HTATIP2: variants seen among roughly 807,000 people sequenced by gnomAD.
HTATIP2 encodes the protein HIV-1 Tat interactive protein 2, also known as protein HTATIP2.
HTATIP2 carries 26 observed loss-of-function variants against 24.7 expected under a neutral mutation model. The observed-to-expected ratio is 1.05, with a 90% CI of 0.77 to 1.46. HTATIP2 has a LOEUF of 1.46. HTATIP2 is among the 40% of genes most tolerant of loss of function. HTATIP2 has a pLI of 0.00. For missense variants in HTATIP2, 284 were observed against 289.6 expected (o/e 0.98, Z 0.14); for synonymous variants, 99 against 113.2 (o/e 0.87, Z 0.79).
chr11:20,369,417 T>C (rs971146352), intron 2 of HTATIP2, among the ~76,000 whole-genome samples: 2 of 152,242 alleles, frequency 1.3e-5, no homozygotes, highest in Non-Finnish European at 2.9e-5. Context: ...AGTATTGAGA[T>C]CCTCTGTGTA....
intron 2 of HTATIP2, among the ~76,000 whole-genome samples, chr11:20,369,133 A>G (rs1240769845): frequency 2.6e-5 from 4 of 152,228 alleles, no homozygotes; most frequent in South Asian, 2.1e-4. Context: ...ACTTTAGCCA[A>G]TATGAAAGAG....
rs1028929036 is a variant in HTATIP2, at chr11:20,383,482, C to G, written c.*277C>G. On this transcript the variant is annotated 3_prime_UTR_variant, in exon 5 of 5. Transcript: ENST00000451739. Reference sequence around the variant, plus strand: ...TGTGGGCACAATAATCTGTAATTTTCTTTGTTTATACTTCCCCTGATGCCA... The same window carrying G: ...TGTGGGCACAATAATCTGTAATTTTGTTTGTTTATACTTCCCCTGATGCCA... 2 of 398,972 alleles carry G rather than the reference C, an allele frequency of 5.0e-6. No individual in the cohort carries two copies. The highest frequency in any genetic ancestry group is 9.0e-6 in the Non-Finnish European group (2 of 222,112). The allele number at this position is 398,972 out of a possible 1,614,324, so 24.7% of individuals were successfully genotyped here.
intron 2 of HTATIP2, among the ~76,000 whole-genome samples, chr11:20,370,974 C>A (rs893591345): frequency 3.9e-5 from 6 of 152,086 alleles, no homozygotes; most frequent in Non-Finnish European, 7.4e-5. Context: ...TTAAAAAATT[C>A]AAAAGAATAA....
At chr11:20,373,084 T>C (rs1313504833) in intron 2 of HTATIP2, among the ~76,000 whole-genome samples, 1 of 152,206 alleles carries the variant, frequency 6.6e-6, no homozygotes, top group African/African-American at 2.4e-5. Flanking sequence ...TAACAGCCAT[T>C]GATTGCTAAT....
chr11:20,372,788 A>G (rs2064785069), intron 2 of HTATIP2, among the ~76,000 whole-genome samples: 1 of 152,204 alleles, frequency 6.6e-6, no homozygotes, highest in African/African-American at 2.4e-5. Flanking sequence ...AATAAAGGGC[A>G]TGAATAAGAT....
intron 4 of HTATIP2, among the ~76,000 whole-genome samples, chr11:20,382,687 C>A (rs959722367): frequency 3.9e-5 from 6 of 152,124 alleles, no homozygotes; most frequent in African/African-American, 1.4e-4. Context: ...CTGGCAGTGT[C>A]CTCACATGGC....
Position 20,364,042 on chromosome 11 carries a change from A to C in HTATIP2, c.-196A>C. ...CACCCTCCAGCTCGGGCCCCTTCCG[A>C]TGGGTCTGCTGGCTCAGGTGCGGGC... is the stretch of plus-strand genomic sequence containing the variant. On this transcript the variant is annotated 5_prime_UTR_variant, in exon 1 of 5. It removes an upstream start codon present in the reference 5' UTR. Transcript: ENST00000451739. 1 of 1,322,786 alleles carries C rather than the reference A, an allele frequency of 7.6e-7. No homozygotes were observed. Among genetic ancestry groups the C allele is most frequent in the Non-Finnish European group, 9.6e-7 (1 of 1,036,602 alleles). The allele number at this position is 1,322,786 out of a possible 1,614,324, so 81.9% of individuals were successfully genotyped here.
rs868775571 is a variant in HTATIP2, at chr11:20,364,248, CAG to C, written c.13_14del (p.Glu5SerfsTer14). On this transcript the variant is annotated frameshift_variant, in exon 1 of 5. Coordinates refer to ENST00000451739, the MANE Select transcript of HTATIP2 (RefSeq NM_001098522.2). LOFTEE classifies it high-confidence loss of function. ...TGTTATTTCCCCAGCATGGCCGAAA[CAG>C]AAGCCCTGTCGAAGCTTCGGGAAGA... The C allele has an allele frequency of 1.2e-6, 2 of 1,604,190 alleles. No individual in the cohort carries two copies. Among genetic ancestry groups the C allele is most frequent in the African/African-American group, 2.7e-5 (2 of 74,698 alleles).
intron 2 of HTATIP2, 44 bp downstream of exon 2, chr11:20,367,325 T>C (rs1321381131): frequency 1.2e-6 from 2 of 1,613,140 alleles, no homozygotes; most frequent in East Asian, 2.2e-5. Flanking sequence ...TGGCCAGTAA[T>C]ATCAAGGATT....
At chr11:20,366,911 CAG>C (rs1300968177) in intron 1 of HTATIP2, among the ~76,000 whole-genome samples, 1 of 152,062 alleles carries the variant, frequency 6.6e-6, no homozygotes, top group Admixed American at 6.6e-5. Flanking sequence ...TTTATTTTTC[CAG>C]AGAGAGATTA....
chr11:20,375,022 G>C (rs1355971565), intron 2 of HTATIP2, among the ~76,000 whole-genome samples: 1 of 152,016 alleles, frequency 6.6e-6, no homozygotes, highest in Non-Finnish European at 1.5e-5. Context: ...GAGAGAGGGT[G>C]GGGGATAAAA....
chr11:20,364,257 T>C lies in HTATIP2; in HGVS notation c.20T>C (p.Leu7Pro). 1.2e-6 allele frequency: 2 copies of C among 1,606,426 alleles called. No homozygotes were observed. Among genetic ancestry groups the C allele is most frequent in the Non-Finnish European group, 1.7e-6 (2 of 1,174,174 alleles). Residue 7 changes from leucine to proline, a missense_variant, in exon 1 of 5, where the codon CTG becomes CCG. By Grantham distance (98) the Leu-to-Pro change is moderately conservative. Coordinates refer to ENST00000451739, the MANE Select transcript of HTATIP2 (RefSeq NM_001098522.2). MAETEA[L>P]SKLREDFRMQ... ...CCCAGCATGGCCGAAACAGAAGCCCTGTCGAAGCTTCGGGAAGACTTCAGG... is the reference window on the plus strand; with the variant it reads ...CCCAGCATGGCCGAAACAGAAGCCCCGTCGAAGCTTCGGGAAGACTTCAGG...
At chr11:20,369,634 T>C (rs985323310) in intron 2 of HTATIP2, among the ~76,000 whole-genome samples, 2 of 152,218 alleles carry the variant, frequency 1.3e-5, no homozygotes, top group African/African-American at 4.8e-5. Flanking sequence ...GCCTTCTCTT[T>C]GTGTCTCTTT....
At chr11:20,370,938 C>T (rs113881957) in intron 2 of HTATIP2, among the ~76,000 whole-genome samples, 4,743 of 152,212 alleles carry the variant, frequency 0.031, 357 homozygotes, top group East Asian at 0.28. Flanking sequence ...CGTGAGCCAC[C>T]GCACCCGGCC....
rs1160408794 is a variant in HTATIP2, at chr11:20,364,317, G to C, written c.80G>C (p.Ser27Thr). 1.2e-6 allele frequency: 2 copies of C among 1,613,812 alleles called. No homozygotes were observed. Among genetic ancestry groups the C allele is most frequent in the African/African-American group, 2.7e-5 (2 of 74,940 alleles). ...AAATCCGTCTTTATTTTGGGCGCCA[G>C]CGGAGAAACCGGCAGAGTGCTCTTA... is the stretch of plus-strand genomic sequence containing the variant. ...QNKSVFILGA[S>T]GETGRVLLKE... Residue 27 changes from serine (S) to threonine (T), a missense_variant, in exon 1 of 5, where the codon AGC (serine) becomes ACC (threonine). Physicochemically the swap from Ser to Thr is moderately conservative, Grantham distance 58 (BLOSUM62 1). Coordinates refer to ENST00000451739, the MANE Select transcript of HTATIP2 (RefSeq NM_001098522.2).
At chr11:20,371,172 T>C (rs1365340795) in intron 2 of HTATIP2, among the ~76,000 whole-genome samples, 2 of 150,074 alleles carry the variant, frequency 1.3e-5, no homozygotes, top group Non-Finnish European at 3.0e-5. Context: ...TCTGATCCTT[T>C]ACAGGAAAAG....
intron 2 of HTATIP2, 76 bp downstream of exon 2, chr11:20,367,357 C>G: frequency 6.2e-7 from 1 of 1,607,268 alleles, no homozygotes; most frequent in Non-Finnish European, 8.5e-7. Flanking sequence ...CACTCTTTTT[C>G]TTTGTGCCTG....
chr11:20,364,128 G>A lies in HTATIP2; in HGVS notation c.-110G>A. On this transcript the variant is annotated 5_prime_UTR_variant, in exon 1 of 5. Coordinates refer to ENST00000451739, the MANE Select transcript of HTATIP2 (RefSeq NM_001098522.2). Reference sequence around the variant, plus strand: ...CACTTTCCCCAGAGCCCGGACTGCGGAGAACAATATCCTCCTCCCTAACAG... The same window carrying A: ...CACTTTCCCCAGAGCCCGGACTGCGAAGAACAATATCCTCCTCCCTAACAG... The A allele has an allele frequency of 2.1e-6, 3 of 1,458,414 alleles. No homozygotes were observed. The highest frequency in any genetic ancestry group is 2.7e-6 in the Non-Finnish European group (3 of 1,102,444). 90.3% of individuals were successfully genotyped at this position (1,458,414 alleles called of 1,614,324 possible).
chr11:20,374,798 T>C (rs1848418014), intron 2 of HTATIP2, among the ~76,000 whole-genome samples: 1 of 152,224 alleles, frequency 6.6e-6, no homozygotes. Context: ...ATGTGTTTGT[T>C]ACAACAAAAT....
Sources: gnomAD v4.1 joint callset for allele counts (sites outside exome capture counted in the v4.1 genomes callset) on GRCh38, gnomAD v4.1.1 for gene constraint, MANE v1.5 for transcripts, NCBI Gene and HGNC (gene_info 2026-07-23, HGNC 2026-07-21) for gene names.